Variants in H2BC18 observed in about 807,000 individuals in gnomAD.
H2BC18 encodes histone H2B type 2-F.
H2BC18 carries 8 observed loss-of-function variants against 6.3 expected under a neutral mutation model. The ratio of observed to expected loss-of-function variants is 1.28; its 90% CI spans 0.75 to 2.31. The LOEUF is 2.31. Among genes scored for constraint, H2BC18 ranks in the 30% most tolerant of loss-of-function variants. The pLI is 0.00. For missense variants in H2BC18, 106 were observed against 174.5 expected, an observed-to-expected ratio of 0.61 and a Z score of 2.21; for synonymous variants, 104 against 78.1, an observed-to-expected ratio of 1.33 and a Z score of -1.75.
chr1:149,794,171 A>G (rs2101441552), intron 1 of H2BC18: 1 of 355,562 alleles, frequency 2.8e-6, no homozygotes, highest in South Asian at 2.1e-5. Flanking sequence ...ACATGGTAAC[A>G]GTGGAGCTAT....
At chr1:149,811,091 A>G (rs1179480167), downstream of H2BC18, 5 of 152,222 alleles carry the variant, frequency 3.3e-5, no homozygotes, top group African/African-American at 1.2e-4. Context: ...GAAACGTTTG[A>G]CTGAAGAGGA....
downstream of H2BC18, among the ~76,000 whole-genome samples, chr1:149,808,091 G>A (rs1229063166): frequency 6.6e-6 from 1 of 152,050 alleles, no homozygotes; most frequent in Non-Finnish European, 1.5e-5. Flanking sequence ...CAACCTGGAT[G>A]AGGGGTGAGG....
At chr1:149,788,526 GA>G (rs1553751164) in intron 1 of H2BC18, 7 of 1,613,836 alleles carry the variant, frequency 4.3e-6, no homozygotes, top group Non-Finnish European at 5.9e-6. Context: ...TCACCATTCT[GA>G]AAACCAACAT....
downstream of H2BC18, chr1:149,810,533 G>A (rs1190742907): frequency 3.3e-5 from 5 of 151,952 alleles, no homozygotes; most frequent in African/African-American, 1.2e-4. Context: ...TAATTTCAAA[G>A]GCTGTCAAGT....
intron 1 of H2BC18, chr1:149,792,837 A>G (rs1553752219): frequency 7.8e-7 from 1 of 1,276,644 alleles, no homozygotes; most frequent in Non-Finnish European, 1.0e-6. Context: ...AGGCGGATGG[A>G]AGAGAGCAAG....
intron 1 of H2BC18, chr1:149,793,038 C>T (rs583473): frequency 2.4e-6 from 3 of 1,262,752 alleles, no homozygotes; most frequent in South Asian, 1.3e-5. Context: ...CCGCCAGCTC[C>T]CGGGCCCCGG....
intron 1 of H2BC18, chr1:149,793,223 G>C (rs1553752415): frequency 6.3e-6 from 8 of 1,265,968 alleles, no homozygotes; most frequent in Non-Finnish European, 7.1e-6. Context: ...TTGGCTTGTC[G>C]CAAGAGCAGC....
intron 1 of H2BC18, among the ~76,000 whole-genome samples, chr1:149,785,407 C>CCTTTTTTTTT (rs1553750700): frequency 1.3e-5 from 1 of 74,544 alleles, no homozygotes; most frequent in Non-Finnish European, 2.9e-5. Flanking sequence ...AGAGCTGTTT[C>CCTTTTTTTTT]GTTTTTTTTT....
chr1:149,805,808 A>C (rs1297642505), intron 1 of H2BC18, among the ~76,000 whole-genome samples: 2 of 151,998 alleles, frequency 1.3e-5, no homozygotes, highest in Non-Finnish European at 2.9e-5. Flanking sequence ...AGGAGGGGAG[A>C]CAAATGATAT....
intron 1 of H2BC18, chr1:149,784,115 GT>G: frequency 1.2e-6 from 2 of 1,611,884 alleles, no homozygotes; most frequent in Non-Finnish European, 1.7e-6. Flanking sequence ...GCTCTACACA[GT>G]GGTTTCTCAA....
At chr1:149,801,672 G>C (rs1221280659) in intron 1 of H2BC18, among the ~76,000 whole-genome samples, 2 of 149,982 alleles carry the variant, frequency 1.3e-5, no homozygotes, top group East Asian at 2.0e-4. Flanking sequence ...GGGTGATTTT[G>C]GGAACACATT....
intron 1 of H2BC18, chr1:149,793,319 G>A (rs1397393084): frequency 2.9e-5 from 34 of 1,153,914 alleles, no homozygotes; most frequent in Non-Finnish European, 3.6e-5. Flanking sequence ...CCTCCCAGCT[G>A]GTTCCCTCAC....
At chr1:149,805,583 C>T (rs1189388887) in intron 1 of H2BC18, 2 of 152,156 alleles carry the variant, frequency 1.3e-5, no homozygotes, top group African/African-American at 4.8e-5. Context: ...AGATTTCAAA[C>T]TCAATCATTT....
At chr1:149,796,033 A>T (rs1553752748) in intron 1 of H2BC18, among the ~76,000 whole-genome samples, 1 of 151,794 alleles carries the variant, frequency 6.6e-6, no homozygotes, top group African/African-American at 2.4e-5. Context: ...TTAGGTACAG[A>T]CTTCTTTGTT....
chr1:149,793,887 T>C (rs587623488), intron 1 of H2BC18: 2 of 1,285,492 alleles, frequency 1.6e-6, no homozygotes, highest in African/African-American at 1.5e-5. Context: ...ACAGGAAGAG[T>C]TGGGTCCATT....
intron 1 of H2BC18, among the ~76,000 whole-genome samples, chr1:149,789,315 C>G (rs1353368769): frequency 1.3e-5 from 2 of 152,052 alleles, no homozygotes; most frequent in Admixed American, 1.3e-4. Flanking sequence ...ATAGCATGAA[C>G]CCGGGAAGCG....
At chr1:149,785,463 C>G (rs1357200027) in intron 1 of H2BC18, among the ~76,000 whole-genome samples, 3 of 127,854 alleles carry the variant, frequency 2.3e-5, no homozygotes, top group East Asian at 2.4e-4. Flanking sequence ...GTTGCCCAGG[C>G]TGGAATGCAG....
chr1:149,804,653 A>G (rs1291683379), intron 1 of H2BC18, among the ~76,000 whole-genome samples: 1 of 152,038 alleles, frequency 6.6e-6, no homozygotes, highest in Non-Finnish European at 1.5e-5. Context: ...TGTTCCAGCC[A>G]CTGTACTAAG....
chr1:149,786,643 A>T (rs1336085784), intron 1 of H2BC18: 4 of 151,946 alleles, frequency 2.6e-5, no homozygotes, highest in Admixed American at 6.6e-5. Context: ...AAAGTCATGA[A>T]GGTAGGGGAA....
Sources: gnomAD v4.1 joint callset for allele counts (sites outside exome capture counted in the v4.1 genomes callset) on GRCh38, gnomAD v4.1.1 for gene constraint, MANE v1.5 for transcripts, NCBI Gene and HGNC (gene_info 2026-07-23, HGNC 2026-07-21) for gene names.